The following HACD4 variants were observed in gnomAD, a reference collection of about 807,000 sequenced individuals.
The protein encoded by HACD4 is 3-hydroxyacyl-CoA dehydratase 4.
A neutral mutation model predicts 33.3 loss-of-function variants in HACD4; 35 were observed. That is an observed-to-expected ratio of 1.05 (90% CI 0.80 to 1.39). HACD4 has a LOEUF of 1.39. Among genes scored for constraint, HACD4 ranks in the 40% most tolerant of loss-of-function variants. HACD4 has a pLI of 0.00. For missense variants in HACD4, 323 were observed against 276.5 expected (o/e 1.17, Z -1.19); for synonymous variants, 118 against 98.0 (o/e 1.20, Z -1.21).
intron 1 of HACD4, among the ~76,000 whole-genome samples, chr9:21,029,740 A>C (rs1449141436): frequency 6.6e-6 from 1 of 152,174 alleles, no homozygotes. Context: ...TCTACCTTAA[A>C]CTTGCTCAGA....
chr9:21,011,634 G>C lies in HACD4; in HGVS notation c.445C>G (p.Gln149Glu). Residue 149 changes from glutamine (Q) to glutamate (E), a missense_variant, in exon 5 of 7, where the codon CAA becomes GAA. Physicochemically the swap from Gln to Glu is conservative, Grantham distance 29. Coordinates refer to ENST00000495827, the MANE Select transcript of HACD4 (RefSeq NM_001010915.5). ...GGATAAATTGGCATCCATAGTGTTT[G>C]ACTGAGCCATGTCAAGACAGCATAG... ...ISYAVLTWLS[Q>E]TLWMPIYPLC... is the part of the protein sequence containing the mutation. 6.2e-7 allele frequency: 1 copy of C among 1,611,886 alleles called. No homozygotes were observed. The highest frequency in any genetic ancestry group is 1.1e-5 in the South Asian group (1 of 90,968).
In HACD4 at chr9:21,008,009, A is replaced by G. The variant is rs759224907; in HGVS notation, c.616+12T>C. Reference sequence around the variant, plus strand: ...GGAAAAATGCAAAAACAAGACCAAAAAAGCCACTTACCTATAAAGAGCATC... The same window carrying G: ...GGAAAAATGCAAAAACAAGACCAAAGAAGCCACTTACCTATAAAGAGCATC... On this transcript the variant is annotated intron_variant, in intron 6 of 6. Transcript: ENST00000495827. 6.3e-6 allele frequency: 10 copies of G among 1,576,424 alleles called. No homozygotes were observed. In the South Asian group the frequency reaches 1.2e-4, roughly 19 times the overall value.
intron 3 of HACD4, chr9:21,017,678 A>C (rs1404582928): frequency 6.6e-6 from 1 of 152,212 alleles, no homozygotes; most frequent in Non-Finnish European, 1.5e-5. Context: ...ACAGATTTCT[A>C]ATTACATGGC....
At chr9:21,029,207 T>A (rs780746340) in intron 2 of HACD4, 88 bp downstream of exon 2, 13 of 745,012 alleles carry the variant, frequency 1.7e-5, no homozygotes, top group Non-Finnish European at 3.0e-5. Context: ...TATTAGAAGG[T>A]TGAGGTGTGT....
chr9:21,014,362 C>T (rs2132778259), intron 4 of HACD4, among the ~76,000 whole-genome samples: 1 of 152,222 alleles, frequency 6.6e-6, no homozygotes, highest in East Asian at 1.9e-4. Flanking sequence ...TAAATCAATG[C>T]AATAGAATTT....
At chr9:21,028,840 A>C (rs529594079) in intron 2 of HACD4, among the ~76,000 whole-genome samples, 13 of 152,192 alleles carry the variant, frequency 8.5e-5, no homozygotes, top group Non-Finnish European at 1.3e-4. Flanking sequence ...TCTTAAAGGG[A>C]CCAAATAGAG....
chr9:21,011,454 A>C (rs751232808), intron 5 of HACD4, 135 bp downstream of exon 5: 1 of 655,126 alleles, frequency 1.5e-6, no homozygotes, highest in Non-Finnish European at 2.7e-6. Context: ...CATCAAGGGA[A>C]ATATGCCAGT....
intron 2 of HACD4, among the ~76,000 whole-genome samples, chr9:21,027,505 T>C (rs1310810434): frequency 2.6e-5 from 4 of 152,186 alleles, no homozygotes; most frequent in African/African-American, 9.7e-5. Context: ...GCAGTAAGGA[T>C]TTCTCTTCTC....
rs1247392983 is a variant in HACD4 at position 21,005,801 on chromosome 9, C to T, written c.*1236G>A. On this transcript the variant is annotated 3_prime_UTR_variant, in exon 7 of 7. Transcript: ENST00000495827. The surrounding 1 kb of genome is among the most constrained non-coding windows in gnomAD (Gnocchi z 4.0). ...GAGGATTATTACTAAGACTGAAGAT[C>T]TCATGGTGTTTGCCTTGCTAGGTTT... 6.6e-6 allele frequency: 1 copy of T among 152,236 alleles called. No homozygotes were observed. Among genetic ancestry groups the T allele is most frequent in the South Asian group, 2.1e-4 (1 of 4,834 alleles). The allele number at this position is 152,236 out of a possible 1,614,324, so 9.4% of individuals were successfully genotyped here. A position where few individuals can be genotyped will look rare whatever the true frequency, so the allele number is the denominator to read the frequency against.
rs573305702 is a variant in HACD4 at position 21,007,243 on chromosome 9, G to A, written c.617-124C>T. 27 of 642,252 alleles carry A rather than the reference G, an allele frequency of 4.2e-5. No homozygotes were observed. The South Asian group carries it at 4.6e-4, about 11-fold the overall frequency. 39.8% of individuals were successfully genotyped at this position (642,252 alleles called of 1,614,324 possible). A position where few individuals can be genotyped will look rare whatever the true frequency, so the allele number is the denominator to read the frequency against. On this transcript the variant is annotated intron_variant, in intron 6 of 6. Transcript: ENST00000495827. ...GGGAGAAGACACTTGCAAGGGAGAT[G>A]TGAGAAGGAATGTTTAAAGAAGTGT...
intron 3 of HACD4, among the ~76,000 whole-genome samples, chr9:21,023,545 C>T (rs1241674003): frequency 1.3e-5 from 2 of 150,962 alleles, no homozygotes; most frequent in African/African-American, 4.9e-5. Context: ...CAGTTCCCCC[C>T]AAGAAGAATT....
intron 3 of HACD4, among the ~76,000 whole-genome samples, chr9:21,025,401 G>C (rs1221823513): frequency 1.1e-5 from 1 of 93,802 alleles, no homozygotes; most frequent in African/African-American, 3.2e-5. Context: ...AATTTAAAGT[G>C]TACATTTACA....
At chr9:21,026,769 GA>G in intron 2 of HACD4, 46 bp from the exon 3 acceptor site, 1 of 1,526,970 alleles carries the variant, frequency 6.5e-7, no homozygotes, top group Non-Finnish European at 9.0e-7. Flanking sequence ...GAAAAAACTG[GA>G]TTATAACCCA....
Position 21,001,252 on chromosome 9 carries a change from G to A in HACD4, c.*5785C>T, listed in dbSNP as rs916082923. The A allele has an allele frequency of 1.3e-5, 2 of 151,684 alleles. No individual in the cohort carries two copies. The highest frequency in any genetic ancestry group is 1.9e-4 in the East Asian group (1 of 5,184). 9.4% of individuals were successfully genotyped at this position (151,684 alleles called of 1,614,324 possible). A position where few individuals can be genotyped will look rare whatever the true frequency, so the allele number is the denominator to read the frequency against. ...TATCAATATAGAGAAAATCTAAGAC[G>A]ATACAAAAAAGAAATTCAAGAGCTG... On this transcript the variant is annotated 3_prime_UTR_variant, in exon 7 of 7. Transcript: ENST00000495827.
chr9:21,025,178 T>C (rs4977907), intron 3 of HACD4, among the ~76,000 whole-genome samples: 142,177 of 152,182 alleles, frequency 0.93, 66,716 homozygotes, highest in East Asian at 1. Context: ...TTTTATTTTA[T>C]ATTTGATATT....
chr9:21,015,910 A>G lies in HACD4; in HGVS notation c.371T>C (p.Leu124Ser), dbSNP rs1483189755. Reference protein sequence around the residue: ...VCVLFVFWNLLDMVRYTYSML... With the variant: ...VCVLFVFWNLSDMVRYTYSML... ...TTTGCCTTCTTACCTAACCATATCC[A>G]ATAGATTCCAAAAGACGAATAAAAC... Residue 124 changes from leucine to serine, a missense_variant, in exon 4 of 7, where the codon TTG becomes TCG. Coordinates refer to ENST00000495827, the MANE Select transcript of HACD4 (RefSeq NM_001010915.5). 1 of 1,609,732 alleles carries G rather than the reference A, an allele frequency of 6.2e-7. No individual in the cohort carries two copies. The highest frequency in any genetic ancestry group is 8.5e-7 in the Non-Finnish European group (1 of 1,176,226).
rs981883540 is a variant in HACD4, at chr9:21,004,840, A to T, written c.*2197T>A. On this transcript the variant is annotated 3_prime_UTR_variant, in exon 7 of 7. Coordinates refer to ENST00000495827, the MANE Select transcript of HACD4 (RefSeq NM_001010915.5). The surrounding 1 kb of genome is among the most constrained non-coding windows in gnomAD (Gnocchi z 4.6). Reference sequence around the variant, plus strand: ...GAAGCTGGAAGAGTTTTGAGGTACTAGAGTACCTGGAAGAGTACTGGAAGA... The same window carrying T: ...GAAGCTGGAAGAGTTTTGAGGTACTTGAGTACCTGGAAGAGTACTGGAAGA... The T allele has an allele frequency of 6.6e-6, 1 of 152,358 alleles. No homozygotes were observed. The highest frequency in any genetic ancestry group is 1.5e-5 in the Non-Finnish European group (1 of 68,064). The allele number at this position is 152,358 out of a possible 1,614,324, so 9.4% of individuals were successfully genotyped here.
rs1202439592 is a variant in HACD4, at chr9:20,999,818, A to T, written c.*7219T>A. On this transcript the variant is annotated 3_prime_UTR_variant, in exon 7 of 7. Transcript: ENST00000495827. ...GGGTACAATCTGAACAAAACGTGTCATCCCTGCTCTCATGGAACTTACAGT... is the reference window on the plus strand; with the variant it reads ...GGGTACAATCTGAACAAAACGTGTCTTCCCTGCTCTCATGGAACTTACAGT... 6.6e-6 allele frequency: 1 copy of T among 151,838 alleles called. No homozygotes were observed. Among genetic ancestry groups the T allele is most frequent in the Non-Finnish European group, 1.5e-5 (1 of 68,024 alleles). The allele number at this position is 151,838 out of a possible 1,614,324, so 9.4% of individuals were successfully genotyped here.
chr9:21,024,450 A>G (rs770248938), intron 3 of HACD4, among the ~76,000 whole-genome samples: 7 of 152,228 alleles, frequency 4.6e-5, no homozygotes, highest in African/African-American at 7.2e-5. Context: ...ATTTGCCCCT[A>G]TGTTTAAATT....
Sources: gnomAD v4.1 joint callset for allele counts (sites outside exome capture counted in the v4.1 genomes callset) on GRCh38, gnomAD v4.1.1 for gene constraint, Gnocchi (gnomAD v3.1) non-coding constraint, MANE v1.5 for transcripts, NCBI Gene and HGNC (gene_info 2026-07-23, HGNC 2026-07-21) for gene names.